NELL1: variants seen among roughly 807,000 people sequenced by gnomAD.
The protein encoded by NELL1 is protein kinase C-binding protein NELL1.
In NELL1, 76 loss-of-function variants were observed where a neutral mutation model predicts 107.4. The ratio of observed to expected loss-of-function variants is 0.71; its 90% CI spans 0.59 to 0.86. NELL1 has a LOEUF of 0.86. NELL1 is among the 40% of genes least tolerant of loss of function. The probability of loss-of-function intolerance (pLI) is 0.00; values close to 1 mark genes in which losing one functional copy is unlikely to be tolerated. For missense variants in NELL1, 1,024 were observed against 1,005.5 expected (o/e 1.02, Z -0.25); for synonymous variants, 353 against 341.2 (o/e 1.03, Z -0.38).
At chr11:20,892,425 A>G (rs1849635356) in intron 5 of NELL1, among the ~76,000 whole-genome samples, 1 of 152,224 alleles carries the variant, frequency 6.6e-6, no homozygotes, top group Non-Finnish European at 1.5e-5. Flanking sequence ...TAAAAAGGCA[A>G]GAAACAATAG....
intron 13 of NELL1, among the ~76,000 whole-genome samples, chr11:21,201,532 A>G (rs1670619): frequency 6.6e-6 from 1 of 151,988 alleles, no homozygotes; most frequent in African/African-American, 2.4e-5. Flanking sequence ...TTGGGCAGAG[A>G]TGTTGGGGTT....
At chr11:21,102,542 A>G (rs949114710) in intron 12 of NELL1, among the ~76,000 whole-genome samples, 2 of 152,210 alleles carry the variant, frequency 1.3e-5, no homozygotes, top group African/African-American at 4.8e-5. Flanking sequence ...GATGCTAAAA[A>G]ACAATACCTA....
At chr11:20,714,417 A>T (rs1199890016) in intron 2 of NELL1, among the ~76,000 whole-genome samples, 1 of 151,574 alleles carries the variant, frequency 6.6e-6, no homozygotes. Context: ...CATGTTAGAC[A>T]GGCTGGTCTC....
At chr11:20,814,821 A>G (rs1283606321) in intron 3 of NELL1, among the ~76,000 whole-genome samples, 5 of 152,246 alleles carry the variant, frequency 3.3e-5, no homozygotes, top group Non-Finnish European at 5.9e-5. Context: ...ATACCCAGTA[A>G]AGGGATTGCT....
At chr11:20,815,868 A>G (rs1016620131) in intron 3 of NELL1, among the ~76,000 whole-genome samples, 3 of 152,170 alleles carry the variant, frequency 2.0e-5, no homozygotes, top group Admixed American at 6.5e-5. Context: ...ATTCTTCAGC[A>G]TATGCCTAGT....
intron 13 of NELL1, among the ~76,000 whole-genome samples, chr11:21,171,847 T>G (rs1856613692): frequency 6.6e-6 from 1 of 151,918 alleles, no homozygotes; most frequent in South Asian, 2.1e-4. Flanking sequence ...TTGAACCAAA[T>G]TAAATCAGTT....
In NELL1 at chr11:20,826,179, G is replaced by A. The variant is rs1046270606; in HGVS notation, c.336-21404G>A. 4.0e-5 allele frequency among the ~76,000 whole-genome samples: 6 copies of A among 151,156 alleles called. 1 individual carries two copies. The highest frequency in any genetic ancestry group is 1.9e-4 in the East Asian group (1 of 5,174). On this transcript the variant is annotated intron_variant, in intron 3 of 19. Transcript: ENST00000357134. ...TTTCTTTTATAAATTACCCAGTCTC[G>A]GGTACGTCTTTATTAGCAGCATGAG...
intron 2 of NELL1, among the ~76,000 whole-genome samples, chr11:20,731,436 G>A (rs1169814147): frequency 3.9e-5 from 6 of 152,190 alleles, no homozygotes; most frequent in Admixed American, 2.0e-4. Flanking sequence ...GCTAGGTTAG[G>A]TAGCTTAGGT....
intron 15 of NELL1, among the ~76,000 whole-genome samples, chr11:21,499,425 T>C (rs1274204458): frequency 6.6e-6 from 1 of 152,158 alleles, no homozygotes; most frequent in African/African-American, 2.4e-5. Context: ...TATTCATGCA[T>C]CAATAACACA....
chr11:21,185,293 CTTT>C (rs11446941), intron 13 of NELL1, among the ~76,000 whole-genome samples: 1 of 118,472 alleles, frequency 8.4e-6, no homozygotes, highest in Admixed American at 9.8e-5. Context: ...ATTCCAGTAT[CTTT>C]TTTTTTTTTT....
intron 16 of NELL1, among the ~76,000 whole-genome samples, chr11:21,552,608 C>T (rs922374011): frequency 2.0e-5 from 3 of 151,824 alleles, no homozygotes; most frequent in Admixed American, 6.6e-5. Flanking sequence ...CCAGAAAAGC[C>T]TTACAGATCT....
At chr11:20,878,446 C>T (rs940904781) in intron 4 of NELL1, among the ~76,000 whole-genome samples, 2 of 149,354 alleles carry the variant, frequency 1.3e-5, no homozygotes, top group East Asian at 4.0e-4. Flanking sequence ...AAATACATCT[C>T]TCTGATTTCT....
chr11:21,161,748 T>C (rs910239778), intron 13 of NELL1, among the ~76,000 whole-genome samples: 17 of 152,002 alleles, frequency 1.1e-4, no homozygotes, highest in Middle Eastern at 3.2e-3. Context: ...TTCAACTTTT[T>C]ATTAATATAG....
intron 2 of NELL1, among the ~76,000 whole-genome samples, chr11:20,689,150 A>C (rs903961968): frequency 2.6e-5 from 4 of 151,838 alleles, no homozygotes; most frequent in Non-Finnish European, 5.9e-5. Context: ...TCAATTGTTT[A>C]AGTTCCTTAT....
chr11:21,564,932 CTCTT>C (rs1313773633), intron 17 of NELL1, among the ~76,000 whole-genome samples: 2 of 151,868 alleles, frequency 1.3e-5, no homozygotes, highest in Non-Finnish European at 2.9e-5. Flanking sequence ...ACTCATGTAT[CTCTT>C]TCTGGCAAGG....
chr11:20,777,854 T>C (rs1437901879), intron 2 of NELL1, among the ~76,000 whole-genome samples: 1 of 152,188 alleles, frequency 6.6e-6, no homozygotes, highest in African/African-American at 2.4e-5. Flanking sequence ...CTGCTGCTGC[T>C]TTTCCCACCT....
intron 14 of NELL1, among the ~76,000 whole-genome samples, chr11:21,241,902 C>CTA (rs1554986639): frequency 5.8e-5 from 4 of 69,392 alleles, no homozygotes; most frequent in Admixed American, 2.2e-4. Flanking sequence ...ATGTCTGTTT[C>CTA]TATTTTTTTT....
At chr11:20,719,455 G>A (rs907853804) in intron 2 of NELL1, among the ~76,000 whole-genome samples, 1 of 151,270 alleles carries the variant, frequency 6.6e-6, no homozygotes, top group Non-Finnish European at 1.5e-5. Flanking sequence ...CACACACATA[G>A]TTTTGGAAAA....
intron 3 of NELL1, among the ~76,000 whole-genome samples, chr11:20,802,479 G>T (rs1455397478): frequency 4.0e-5 from 6 of 151,250 alleles, no homozygotes; most frequent in African/African-American, 1.5e-4. Flanking sequence ...GATCCTTTAG[G>T]TTTTTCCAAA....
Sources: allele counts gnomAD v4.1 joint callset (sites outside exome capture counted in the v4.1 genomes callset), GRCh38; gene constraint gnomAD v4.1.1; transcripts MANE v1.5; gene names NCBI Gene and HGNC (gene_info 2026-07-23, HGNC 2026-07-21).